PCDH15: variants seen among roughly 807,000 people sequenced by gnomAD.
The protein encoded by PCDH15 is protocadherin-15.
PCDH15 carries 129 observed loss-of-function variants against 178.5 expected under a neutral mutation model. That is an observed-to-expected ratio of 0.72 (90% CI 0.63 to 0.84). PCDH15 has a LOEUF of 0.84. PCDH15 is among the 40% of genes least tolerant of loss of function. PCDH15 has a pLI of 0.00. For missense variants in PCDH15, 2,230 were observed against 2,099.9 expected (o/e 1.06, Z -1.21); for synonymous variants, 800 against 732.0 (o/e 1.09, Z -1.50).
At chr10:54,283,796 A>G (rs977198077) in intron 8 of PCDH15, among the ~76,000 whole-genome samples, 1 of 152,124 alleles carries the variant, frequency 6.6e-6, no homozygotes, top group Non-Finnish European at 1.5e-5. Flanking sequence ...AAGGATGCAC[A>G]GGTTCAGTAA....
chr10:54,512,359 TTGTGTG>T (rs200575121), intron 3 of PCDH15, among the ~76,000 whole-genome samples: 2,062 of 134,138 alleles, frequency 0.015, 29 homozygotes, highest in African/African-American at 0.045. Context: ...ATTTCTGGCA[TTGTGTG>T]TGTGTGTGTG....
intron 2 of PCDH15, among the ~76,000 whole-genome samples, chr10:54,981,573 T>C (rs983404917): frequency 1.3e-5 from 2 of 152,102 alleles, no homozygotes; most frequent in Non-Finnish European, 2.9e-5. Flanking sequence ...CAAGAGATAA[T>C]AACGAAGAGA....
chr10:55,014,989 G>A (rs1343066195), intron 2 of PCDH15, among the ~76,000 whole-genome samples: 1 of 152,110 alleles, frequency 6.6e-6, no homozygotes, highest in Non-Finnish European at 1.5e-5. Flanking sequence ...GGGAGGCCGA[G>A]GCGGGCAGAT....
chr10:54,926,791 T>A (rs1837639312), intron 2 of PCDH15, among the ~76,000 whole-genome samples: 1 of 152,110 alleles, frequency 6.6e-6, no homozygotes, highest in Non-Finnish European at 1.5e-5. Flanking sequence ...TTGAGGTCTC[T>A]GGTAATATCC....
chr10:54,482,938 T>C (rs886425903), intron 3 of PCDH15, among the ~76,000 whole-genome samples: 17 of 151,796 alleles, frequency 1.1e-4, no homozygotes, highest in African/African-American at 4.1e-4. Flanking sequence ...TCTAGGCAGG[T>C]ACCAGAATCT....
At chr10:54,649,585 T>C (rs745987627) in intron 2 of PCDH15, among the ~76,000 whole-genome samples, 3 of 152,166 alleles carry the variant, frequency 2.0e-5, no homozygotes, top group Non-Finnish European at 4.4e-5. Flanking sequence ...AATCTATAAT[T>C]ACACATATAT....
rs548412339 is a variant in PCDH15, at chr10:54,358,959, A to T, written c.474+10161T>A. 7.6e-5 allele frequency among the ~76,000 whole-genome samples: 11 copies of T among 145,288 alleles called. 1 individual carries two copies. The South Asian group carries it at 2.4e-3, about 32-fold the overall frequency. On this transcript the variant is annotated intron_variant, in intron 5 of 37. Transcript: ENST00000644397. The stretch of plus-strand genomic sequence containing the variant: ...TCTCATTCATAGGTGGGAATTGAAC[A>T]ATGAGAACACATGGACACAGGAAGG...
intron 1 of PCDH15, among the ~76,000 whole-genome samples, chr10:55,190,111 A>G (rs905205355): frequency 6.6e-6 from 1 of 151,844 alleles, no homozygotes. Flanking sequence ...TGAATCTCAT[A>G]GTCTCTATGT....
At chr10:54,098,786 A>G (rs919829960) in intron 15 of PCDH15, among the ~76,000 whole-genome samples, 1 of 152,172 alleles carries the variant, frequency 6.6e-6, no homozygotes, top group Non-Finnish European at 1.5e-5. Flanking sequence ...CTTAGAATCT[A>G]ATTATTGTGG....
intron 15 of PCDH15, among the ~76,000 whole-genome samples, chr10:54,092,505 G>T (rs1484330884): frequency 2.6e-5 from 4 of 151,762 alleles, no homozygotes; most frequent in Non-Finnish European, 1.5e-5. Flanking sequence ...AAATGAAGAA[G>T]AAAGTAATAA....
chr10:55,119,451 A>AC (rs1554832566), intron 2 of PCDH15, among the ~76,000 whole-genome samples: 1 of 151,876 alleles, frequency 6.6e-6, no homozygotes, highest in African/African-American at 2.4e-5. Flanking sequence ...TGAGATCTAC[A>AC]TTTTTTGCAC....
chr10:54,781,626 T>TAG (rs780445524), intron 1 of PCDH15, among the ~76,000 whole-genome samples: 89 of 152,288 alleles, frequency 5.8e-4, no homozygotes, highest in Middle Eastern at 6.8e-3. Context: ...ATACTGTGAA[T>TAG]GACTTAGCCT....
At chr10:54,465,920 A>AT (rs1197190807) in intron 3 of PCDH15, among the ~76,000 whole-genome samples, 2 of 151,874 alleles carry the variant, frequency 1.3e-5, no homozygotes, top group African/African-American at 4.8e-5. Context: ...ATTTTTTGTC[A>AT]TTTTGATAAT....
At chr10:55,105,491 G>A (rs1317544389) in intron 2 of PCDH15, among the ~76,000 whole-genome samples, 3 of 152,086 alleles carry the variant, frequency 2.0e-5, no homozygotes, top group African/African-American at 7.2e-5. Flanking sequence ...TGTATCATGA[G>A]TAAATGCCCA....
intron 1 of PCDH15, among the ~76,000 whole-genome samples, chr10:55,268,108 TA>T (rs768796223): frequency 9.9e-5 from 15 of 152,224 alleles, no homozygotes; most frequent in Non-Finnish European, 1.9e-4. Context: ...AGTAATAAAG[TA>T]ATTACTACTT....
chr10:55,322,936 G>T (rs1408296587), upstream of PCDH15, among the ~76,000 whole-genome samples: 1 of 152,106 alleles, frequency 6.6e-6, no homozygotes, highest in African/African-American at 2.4e-5. Flanking sequence ...CTGCCATCAG[G>T]CTTAGAAGGG....
At chr10:54,637,188 G>C (rs1248234294) in intron 2 of PCDH15, among the ~76,000 whole-genome samples, 2 of 150,576 alleles carry the variant, frequency 1.3e-5, no homozygotes, top group Non-Finnish European at 3.0e-5. Flanking sequence ...CCTATTTTGA[G>C]CTCCCATCAT....
chr10:55,421,744 C>A (rs11004842), intron 2 of PCDH15, among the ~76,000 whole-genome samples: 40,921 of 151,126 alleles, frequency 0.27, 6,778 homozygotes, highest in African/African-American at 0.47. Context: ...GGTAGATAAC[C>A]TGCTTATGTG....
In PCDH15 at chr10:54,092,438, C is replaced by G. The variant is rs376386167; in HGVS notation, c.1918-2375G>C. On this transcript the variant is annotated intron_variant, in intron 15 of 37. Coordinates refer to ENST00000644397, the MANE Select transcript of PCDH15 (RefSeq NM_001384140.1). Reference sequence around the variant, plus strand: ...GGGTAAAGTCTATTGCTTTCTCCCCCAGCTCCCCACCCTCCCCATGCCATA... The same window carrying G: ...GGGTAAAGTCTATTGCTTTCTCCCCGAGCTCCCCACCCTCCCCATGCCATA... 6.1e-4 allele frequency among the ~76,000 whole-genome samples: 93 copies of G among 152,130 alleles called. 1 individual carries two copies. Among genetic ancestry groups the G allele is most frequent in the African/African-American group, 2.2e-3 (90 of 41,518 alleles).
Sources: allele counts gnomAD v4.1 joint callset (sites outside exome capture counted in the v4.1 genomes callset), GRCh38; gene constraint gnomAD v4.1.1; transcripts MANE v1.5; gene names NCBI Gene and HGNC (gene_info 2026-07-23, HGNC 2026-07-21).